EIF2B3: variants seen among roughly 807,000 people sequenced by gnomAD.
EIF2B3 encodes eukaryotic translation initiation factor 2B subunit gamma, also known as translation initiation factor eIF2B subunit gamma.
A neutral mutation model predicts 54.1 loss-of-function variants in EIF2B3; 20 were observed. That is an observed-to-expected ratio of 0.37 (90% CI 0.26 to 0.54). The LOEUF is 0.54. EIF2B3 is among the 20% of genes least tolerant of loss of function. EIF2B3 has a pLI of 0.86. For missense variants in EIF2B3, 448 were observed against 547.8 expected (o/e 0.82, Z 1.82); for synonymous variants, 153 against 188.1 (o/e 0.81, Z 1.52).
At chr1:44,870,656 GT>G (rs112585793) in intron 10 of EIF2B3, among the ~76,000 whole-genome samples, 173 of 143,418 alleles carry the variant, frequency 1.2e-3, no homozygotes, top group Middle Eastern at 7.2e-3. Context: ...CAGTTCTCAG[GT>G]TTTTTTTTTT....
chr1:44,923,738 C>A (rs1299144367), intron 5 of EIF2B3, among the ~76,000 whole-genome samples: 1 of 151,954 alleles, frequency 6.6e-6, no homozygotes, highest in African/African-American at 2.4e-5. Flanking sequence ...TATTTCATTT[C>A]TATGAGATTC....
At chr1:44,957,125 G>T (rs1241537595) in intron 3 of EIF2B3, among the ~76,000 whole-genome samples, 1 of 152,164 alleles carries the variant, frequency 6.6e-6, no homozygotes, top group Non-Finnish European at 1.5e-5. Context: ...AATTAGCCGG[G>T]TATGGTGACG....
At chr1:44,900,519 G>T (rs1643263864) in intron 5 of EIF2B3, among the ~76,000 whole-genome samples, 1 of 149,582 alleles carries the variant, frequency 6.7e-6, no homozygotes, top group Non-Finnish European at 1.5e-5. Context: ...AGGAGAGCAA[G>T]AGTTGAAAAA....
At chr1:44,950,954 G>T (rs1219040376) in intron 3 of EIF2B3, among the ~76,000 whole-genome samples, 1 of 152,184 alleles carries the variant, frequency 6.6e-6, no homozygotes, top group Non-Finnish European at 1.5e-5. Context: ...CTCCCGAAGT[G>T]TTGGGATTAC....
intron 11 of EIF2B3, among the ~76,000 whole-genome samples, chr1:44,851,736 AATACCTC>A (rs1019786103): frequency 1.3e-5 from 2 of 152,190 alleles, no homozygotes; most frequent in African/African-American, 4.8e-5. Flanking sequence ...AAGAAAGGGC[AATACCTC>A]ATATATAATA....
chr1:44,929,248 A>G (rs2148933856), intron 4 of EIF2B3, among the ~76,000 whole-genome samples: 1 of 152,336 alleles, frequency 6.6e-6, no homozygotes, highest in East Asian at 1.9e-4. Flanking sequence ...AGATCTGTAA[A>G]GATGAATTTG....
intron 10 of EIF2B3, among the ~76,000 whole-genome samples, chr1:44,861,560 A>C (rs1297397177): frequency 6.6e-6 from 1 of 152,196 alleles, no homozygotes; most frequent in African/African-American, 2.4e-5. Context: ...TCTGGAAGGA[A>C]GAGACAAGAA....
chr1:44,911,908 C>T (rs1643524639), intron 5 of EIF2B3, among the ~76,000 whole-genome samples: 1 of 148,522 alleles, frequency 6.7e-6, no homozygotes. Flanking sequence ...TTCCTGTGTC[C>T]ATGTGTTCTC....
intron 10 of EIF2B3, among the ~76,000 whole-genome samples, chr1:44,865,396 T>C (rs1270618404): frequency 6.6e-6 from 1 of 152,190 alleles, no homozygotes; most frequent in East Asian, 1.9e-4. Context: ...GTGTTCTCTT[T>C]GGATTTAATC....
chr1:44,896,061 C>G (rs1431468118), intron 6 of EIF2B3, among the ~76,000 whole-genome samples: 1 of 152,192 alleles, frequency 6.6e-6, no homozygotes, highest in Non-Finnish European at 1.5e-5. Flanking sequence ...ACCCTGCTAT[C>G]TAAAAAGCAA....
chr1:44,900,985 CAG>C (rs1415254440), intron 5 of EIF2B3, among the ~76,000 whole-genome samples: 4 of 152,158 alleles, frequency 2.6e-5, no homozygotes, highest in African/African-American at 9.6e-5. Context: ...TTCTCAGAGA[CAG>C]GGTTTCGCTC....
chr1:44,910,627 A>T (rs1643493570), intron 5 of EIF2B3, among the ~76,000 whole-genome samples: 1 of 116,040 alleles, frequency 8.6e-6, no homozygotes, highest in Non-Finnish European at 1.8e-5. Context: ...CCCCCCAAGT[A>T]ATGCTTTTTT....
At chr1:44,981,406 G>C (rs532672236) in intron 1 of EIF2B3, among the ~76,000 whole-genome samples, 27 of 152,256 alleles carry the variant, frequency 1.8e-4, no homozygotes, top group African/African-American at 6.5e-4. Context: ...TAGGAATGCA[G>C]GGGCTTTGCC....
At chr1:44,968,713 A>AT (rs1249116792) in intron 3 of EIF2B3, among the ~76,000 whole-genome samples, 4 of 152,134 alleles carry the variant, frequency 2.6e-5, no homozygotes, top group African/African-American at 9.7e-5. Flanking sequence ...CCTGGCCAAC[A>AT]TGGTGAAGCC....
intron 5 of EIF2B3, among the ~76,000 whole-genome samples, chr1:44,913,740 G>A (rs1040222454): frequency 2.1e-5 from 3 of 145,646 alleles, no homozygotes; most frequent in East Asian, 2.0e-4. Context: ...GGCCTCAAGT[G>A]ATCCTCTTGC....
chr1:44,951,873 C>T (rs1338882997), intron 3 of EIF2B3, among the ~76,000 whole-genome samples: 4 of 150,926 alleles, frequency 2.7e-5, no homozygotes, highest in East Asian at 1.9e-4. Context: ...CTGCAGCCTC[C>T]GCTTCACAGG....
chr1:44,923,538 T>G (rs1230058544), intron 5 of EIF2B3, among the ~76,000 whole-genome samples: 1 of 152,188 alleles, frequency 6.6e-6, no homozygotes, highest in Non-Finnish European at 1.5e-5. Context: ...AATGATAACC[T>G]TGGTATGTTT....
intron 6 of EIF2B3, among the ~76,000 whole-genome samples, chr1:44,882,928 CTTT>C (rs1003449669): frequency 8.7e-6 from 1 of 114,450 alleles, no homozygotes; most frequent in Non-Finnish European, 1.8e-5. Flanking sequence ...TTTTCTTTTT[CTTT>C]TTTTTTTTTT....
chr1:44,909,259 A>G (rs1259827794), intron 5 of EIF2B3, among the ~76,000 whole-genome samples: 1 of 152,192 alleles, frequency 6.6e-6, no homozygotes, highest in Non-Finnish European at 1.5e-5. Context: ...TAAAGATGGC[A>G]GATTAAACAT....
Sources: allele counts gnomAD v4.1 joint callset (sites outside exome capture counted in the v4.1 genomes callset), GRCh38; gene constraint gnomAD v4.1.1; transcripts MANE v1.5; gene names NCBI Gene and HGNC (gene_info 2026-07-23, HGNC 2026-07-21).